PHF19: variants seen among roughly 807,000 people sequenced by gnomAD.
The protein encoded by PHF19 is PHD finger protein 19.
A neutral mutation model predicts 79.8 loss-of-function variants in PHF19; 21 were observed. That is an observed-to-expected ratio of 0.26 (90% confidence interval 0.19 to 0.38). The LOEUF is 0.38. PHF19 is among the 10% of genes least tolerant of loss of function. The pLI, the probability that PHF19 is intolerant of heterozygous loss-of-function variation, is 1.00. For missense variants in PHF19, 445 were observed against 744.2 expected, an observed-to-expected ratio of 0.60 and a Z score of 4.68; for synonymous variants, 273 against 296.3, an observed-to-expected ratio of 0.92 and a Z score of 0.81.
rs2045867322 is a variant in PHF19 at position 120,870,594 on chromosome 9, C to G, written c.269-56G>C. The G allele has an allele frequency of 5.8e-6, 6 of 1,036,984 alleles. No homozygotes were observed. In the South Asian group the frequency reaches 7.6e-5, roughly 13 times the overall value. 64.2% of individuals were successfully genotyped at this position (1,036,984 alleles called of 1,614,324 possible). A position where few individuals can be genotyped will look rare whatever the true frequency, so the allele number is the denominator to read the frequency against. ...AGCTCACAGGAATGGAAGTTTTATA[C>G]TCACATTCCAGATGCCCAGCCTCTA... On this transcript the variant is annotated intron_variant, in intron 3 of 14. Coordinates refer to ENST00000373896, the MANE Select transcript of PHF19 (RefSeq NM_015651.3). This position sits in a 1 kb window ranked among gnomAD's most constrained non-coding sequence, Gnocchi z 4.4.
chr9:120,875,661 A>T (rs932059514), intron 1 of PHF19, among the ~76,000 whole-genome samples: 6 of 152,064 alleles, frequency 3.9e-5, no homozygotes, highest in African/African-American at 1.5e-4. Flanking sequence ...TCACCCAATA[A>T]CAGTTTCCTG....
At chr9:120,899,327 T>C (rs2046423324), upstream of PHF19, among the ~76,000 whole-genome samples, 1 of 151,788 alleles carries the variant, frequency 6.6e-6, no homozygotes, top group Admixed American at 6.6e-5. Context: ...TGAAACCCTG[T>C]CTTTACTAAA....
chr9:120,872,037 C>CAGAAAAA (rs1491425777), intron 3 of PHF19, among the ~76,000 whole-genome samples: 5 of 30,322 alleles, frequency 1.6e-4, no homozygotes, highest in African/African-American at 6.6e-4. Context: ...GACTCTGTCT[C>CAGAAAAA]AAAAAAAAAA....
Position 120,877,174 on chromosome 9 carries a change from G to T in PHF19, c.-99C>A. On this transcript the variant is annotated 5_prime_UTR_variant, in exon 1 of 15. Coordinates refer to ENST00000373896, the MANE Select transcript of PHF19 (RefSeq NM_015651.3). ...CGGAGGCGGCTGCGCTCGGCCCGCG[G>T]CTGCCCGGCCGAGTGTCCGCCCGTG... The T allele has an allele frequency of 1.0e-6, 1 of 984,060 alleles. No homozygotes were observed. The allele number at this position is 984,060 out of a possible 1,614,324, so 61.0% of individuals were successfully genotyped here.
intron 1 of PHF19, among the ~76,000 whole-genome samples, chr9:120,886,612 C>T (rs755864804): frequency 6.6e-6 from 1 of 152,220 alleles, no homozygotes; most frequent in Non-Finnish European, 1.5e-5. Flanking sequence ...GAGATCCCTT[C>T]CACAGCCAGA....
chr9:120,867,436 A>G (rs2131523793), intron 6 of PHF19, among the ~76,000 whole-genome samples: 1 of 152,344 alleles, frequency 6.6e-6, no homozygotes, highest in South Asian at 2.1e-4. Flanking sequence ...CTCACCTGCA[A>G]CTGTATCTGG....
Position 120,866,207 on chromosome 9 carries a change from C to A in PHF19, c.711-111G>T, listed in dbSNP as rs1442521721. 2 of 802,470 alleles carry A rather than the reference C, an allele frequency of 2.5e-6. No homozygotes were observed. The highest frequency in any genetic ancestry group is 1.7e-5 in the African/African-American group (1 of 59,136). 49.7% of individuals were successfully genotyped at this position (802,470 alleles called of 1,614,324 possible). A position where few individuals can be genotyped will look rare whatever the true frequency, so the allele number is the denominator to read the frequency against. On this transcript the variant is annotated intron_variant, in intron 7 of 14. Transcript: ENST00000373896. This position sits in a 1 kb window ranked among gnomAD's most constrained non-coding sequence, Gnocchi z 5.2. Reference sequence around the variant, plus strand: ...CACCTACCTTCCCATAATCTTCTCACTCCTAGGACTGCTGGCCACTGGGGG... The same window carrying A: ...CACCTACCTTCCCATAATCTTCTCAATCCTAGGACTGCTGGCCACTGGGGG...
intron 1 of PHF19, among the ~76,000 whole-genome samples, chr9:120,887,653 GACAC>G (rs1010259077): frequency 2.5e-4 from 8 of 31,698 alleles, no homozygotes; most frequent in Non-Finnish European, 4.6e-4. Flanking sequence ...CACACACACA[GACAC>G]ACACACACAC....
In PHF19 at chr9:120,869,965, G is replaced by C. The variant is rs769219535; in HGVS notation, c.365-20C>G. 2 of 1,555,966 alleles carry C rather than the reference G, an allele frequency of 1.3e-6. No individual in the cohort carries two copies. The highest frequency in any genetic ancestry group is 4.8e-5 in the East Asian group (2 of 41,884). ...GGTAACCTACGGCAGAGGAGGGGGC[G>C]GTGAGCGCCCACAAGGACATCGTGG... On this transcript the variant is annotated intron_variant, in intron 4 of 14. Coordinates refer to ENST00000373896, the MANE Select transcript of PHF19 (RefSeq NM_015651.3). This position sits in a 1 kb window ranked among gnomAD's most constrained non-coding sequence, Gnocchi z 5.8.
intron 9 of PHF19, among the ~76,000 whole-genome samples, chr9:120,864,373 C>T (rs1386176573): frequency 2.0e-5 from 3 of 152,094 alleles, no homozygotes; most frequent in Non-Finnish European, 4.4e-5. Flanking sequence ...AATGCTACTC[C>T]ATGGAATCTA....
At chr9:120,879,270 G>T (rs2046143787), upstream of PHF19, among the ~76,000 whole-genome samples, 1 of 152,244 alleles carries the variant, frequency 6.6e-6, no homozygotes, top group Non-Finnish European at 1.5e-5. Context: ...TGGGACTAGA[G>T]CGGGGGGATG....
upstream of PHF19, among the ~76,000 whole-genome samples, chr9:120,899,202 GAA>G (rs753257044): frequency 3.3e-5 from 2 of 61,480 alleles, no homozygotes; most frequent in East Asian, 4.8e-4. Flanking sequence ...CAGTCTCAAA[GAA>G]AAAAAAAAAA....
At position 120,885,521 on chromosome 9, in the gene PHF19, T is replaced by C. The variant is rs1183423774; in HGVS notation, c.42+9267A>G. Reference sequence around the variant, plus strand: ...TGAACCCAGGAGGCGGAGGTTGCAGTGAGCCGATATCATGCCACTGCACTC... The same window carrying C: ...TGAACCCAGGAGGCGGAGGTTGCAGCGAGCCGATATCATGCCACTGCACTC... On this transcript the variant is annotated intron_variant, in intron 1 of 14. Coordinates refer to the PHF19 transcript ENST00000616568. Among the ~76,000 whole-genome samples the C allele has an allele frequency of 2.0e-5, 3 of 149,282 alleles. No individual in the cohort carries two copies. In the East Asian group the frequency reaches 5.9e-4, roughly 29 times the overall value.
chr9:120,860,190 G>T lies in PHF19; in HGVS notation c.1305-5C>A, dbSNP rs1319484629. 6.5e-7 allele frequency: 1 copy of T among 1,548,884 alleles called. No homozygotes were observed. The highest frequency in any genetic ancestry group is 1.2e-5 in the South Asian group (1 of 85,780). Reference sequence around the variant, plus strand: ...AAGGTCTGGCCTGAGCTGGCACTGAGAGGGGCAAGACCGTGAGCCTGCTGG... The same window carrying T: ...AAGGTCTGGCCTGAGCTGGCACTGATAGGGGCAAGACCGTGAGCCTGCTGG... On this transcript the variant is annotated splice_region_variant and splice_polypyrimidine_tract_variant and intron_variant, in intron 13 of 14. Coordinates refer to ENST00000373896, the MANE Select transcript of PHF19 (RefSeq NM_015651.3). This position sits in a 1 kb window ranked among gnomAD's most constrained non-coding sequence, Gnocchi z 4.1.
chr9:120,869,613 T>C lies in PHF19; in HGVS notation c.465+232A>G. 6.7e-7 allele frequency: 1 copy of C among 1,503,688 alleles called. No homozygotes were observed. Among genetic ancestry groups the C allele is most frequent in the Non-Finnish European group, 8.9e-7 (1 of 1,123,512 alleles). The allele number at this position is 1,503,688 out of a possible 1,614,324, so 93.1% of individuals were successfully genotyped here. On this transcript the variant is annotated intron_variant, in intron 5 of 14. Coordinates refer to ENST00000373896, the MANE Select transcript of PHF19 (RefSeq NM_015651.3). The surrounding 1 kb of genome is among the most constrained non-coding windows in gnomAD (Gnocchi z 5.8). ...TTTCTTTTTTAATAGTAAAGCATCATTTATTGGTCCCGTTATTCCCGACAC... is the reference window on the plus strand; with the variant it reads ...TTTCTTTTTTAATAGTAAAGCATCACTTATTGGTCCCGTTATTCCCGACAC...
chr9:120,867,778 A>C (rs528373797), intron 6 of PHF19, among the ~76,000 whole-genome samples: 21 of 152,338 alleles, frequency 1.4e-4, no homozygotes, highest in African/African-American at 4.3e-4. Context: ...CAAGTTACCC[A>C]GCTGGAGCTT....
chr9:120,894,744 C>A, intron 1 of PHF19: 1 of 1,143,492 alleles, frequency 8.7e-7, no homozygotes, highest in Non-Finnish European at 1.1e-6. Context: ...GGCTCCCCAG[C>A]CTCGCGCCCG....
chr9:120,861,902 A>G lies in PHF19; in HGVS notation c.1218+16T>C. On this transcript the variant is annotated intron_variant, in intron 12 of 14. Coordinates refer to ENST00000373896, the MANE Select transcript of PHF19 (RefSeq NM_015651.3). ...CCTGCGTATGAAAATGGAGAGTAAG[A>G]AAACAAGGAACTAACACTGGGAATA... The G allele has an allele frequency of 6.4e-7, 1 of 1,564,796 alleles. No homozygotes were observed. The highest frequency in any genetic ancestry group is 8.8e-7 in the Non-Finnish European group (1 of 1,135,048).
chr9:120,870,095 G>A lies in PHF19; in HGVS notation c.365-150C>T, dbSNP rs1216690536. On this transcript the variant is annotated intron_variant, in intron 4 of 14. Coordinates refer to ENST00000373896, the MANE Select transcript of PHF19 (RefSeq NM_015651.3). This position sits in a 1 kb window ranked among gnomAD's most constrained non-coding sequence, Gnocchi z 4.4. ...GAGCCTGGCTGCTGGTGCCCACCAA[G>A]ATGGCCAAGTCAGTGTCCAGGCTGG... The A allele has an allele frequency of 1.7e-6, 2 of 1,165,178 alleles. No homozygotes were observed. Among genetic ancestry groups the A allele is most frequent in the Non-Finnish European group, 2.4e-6 (2 of 835,482 alleles). The allele number at this position is 1,165,178 out of a possible 1,614,324, so 72.2% of individuals were successfully genotyped here. A position where few individuals can be genotyped will look rare whatever the true frequency, so the allele number is the denominator to read the frequency against.
Sources: gnomAD v4.1 joint callset for allele counts (sites outside exome capture counted in the v4.1 genomes callset) on GRCh38, gnomAD v4.1.1 for gene constraint, Gnocchi (gnomAD v3.1) non-coding constraint, MANE v1.5 for transcripts, NCBI Gene and HGNC (gene_info 2026-07-23, HGNC 2026-07-21) for gene names.